Variants in SLC17A7 observed in about 807,000 individuals in gnomAD.
SLC17A7 encodes solute carrier family 17 member 7.
In SLC17A7, 15 loss-of-function variants were observed where a neutral mutation model predicts 59.1. The observed-to-expected ratio is 0.25, with a 90% CI of 0.17 to 0.39. SLC17A7 has a LOEUF of 0.39. Ranked by LOEUF, SLC17A7 falls within the 10% of genes least tolerant of loss-of-function variation. The pLI is 1.00. For synonymous variants in SLC17A7, 353 were observed against 308.9 expected (o/e 1.14, Z -1.50); for missense variants, 499 against 765.1 (o/e 0.65, Z 4.10).
chr19:49,441,264 T>G, intron 1 of SLC17A7, 54 bp downstream of exon 1: 1 of 1,584,024 alleles, frequency 6.3e-7, no homozygotes, highest in Non-Finnish European at 8.6e-7. Flanking sequence ...AGGTGGGAAT[T>G]AGCATCCTCC....
chr19:49,437,156 G>A (rs939804874), intron 1 of SLC17A7: 13 of 357,222 alleles, frequency 3.6e-5, no homozygotes, highest in Admixed American at 3.0e-4. Flanking sequence ...CTCTCCAGCC[G>A]CCTCTCCCGG....
Position 49,433,949 on chromosome 19 carries a change from G to T in SLC17A7, c.724+11C>A, listed in dbSNP as rs1410714521. The T allele has an allele frequency of 5.6e-6, 9 of 1,613,410 alleles. No homozygotes were observed. In the Admixed American group the frequency reaches 6.7e-5, roughly 12 times the overall value. ...CAGCGCCACCCGGAACCAGGCATCC[G>T]GGTCCCTCACCGTAGACGTAGAAAA... On this transcript the variant is annotated intron_variant, in intron 6 of 11. Transcript: ENST00000221485. This position sits in a 1 kb window ranked among gnomAD's most constrained non-coding sequence, Gnocchi z 5.7.
intron 1 of SLC17A7, among the ~76,000 whole-genome samples, chr19:49,438,565 T>G (rs2078988539): frequency 1.3e-5 from 2 of 148,656 alleles, no homozygotes; most frequent in Admixed American, 6.7e-5. Context: ...CTTAAGGAGG[T>G]GGGGAGGGGC....
chr19:49,430,214 A>C lies in SLC17A7; in HGVS notation c.*305T>G. On this transcript the variant is annotated 3_prime_UTR_variant, in exon 12 of 12. Transcript: ENST00000221485. ...GTGCCTCAAAACCACAAGAGAGAGT[A>C]AGAGGTCGAACTGTCCATTCAAATA... The C allele has an allele frequency of 4.3e-6, 1 of 231,816 alleles. No homozygotes were observed. The highest frequency in any genetic ancestry group is 8.3e-6 in the Non-Finnish European group (1 of 120,620). The allele number at this position is 231,816 out of a possible 1,614,324, so 14.4% of individuals were successfully genotyped here. A position where few individuals can be genotyped will look rare whatever the true frequency, so the allele number is the denominator to read the frequency against.
Position 49,437,005 on chromosome 19 carries a change from C to T in SLC17A7, c.63-204G>A. 4 of 675,580 alleles carry T rather than the reference C, an allele frequency of 5.9e-6. No homozygotes were observed. The Middle Eastern group carries it at 1.3e-3, about 211-fold the overall frequency. The allele number at this position is 675,580 out of a possible 1,614,324, so 41.8% of individuals were successfully genotyped here. A position where few individuals can be genotyped will look rare whatever the true frequency, so the allele number is the denominator to read the frequency against. On this transcript the variant is annotated intron_variant, in intron 1 of 11. Transcript: ENST00000221485. Reference sequence around the variant, plus strand: ...ATCTCCCTCAGACCGGGAATTCAGGCCCCCAGCCCCCTCCTTCTTCACATT... The same window carrying T: ...ATCTCCCTCAGACCGGGAATTCAGGTCCCCAGCCCCCTCCTTCTTCACATT...
At chr19:49,437,077 C>T in intron 1 of SLC17A7, 1 of 546,300 alleles carries the variant, frequency 1.8e-6, no homozygotes, top group South Asian at 2.2e-5. Flanking sequence ...TCCTTCAACT[C>T]AGGAGACTTA....
chr19:49,439,231 C>T (rs573144544), intron 1 of SLC17A7, among the ~76,000 whole-genome samples: 12 of 152,278 alleles, frequency 7.9e-5, no homozygotes, highest in Non-Finnish European at 1.6e-4. Flanking sequence ...ACGTCTTTGT[C>T]TCCTTATGTC....
rs777004927 is a variant in SLC17A7, at chr19:49,430,507, G to C, written c.*12C>G. The C allele has an allele frequency of 1.3e-6, 2 of 1,547,242 alleles. No individual in the cohort carries two copies. The highest frequency in any genetic ancestry group is 4.5e-5 in the East Asian group (2 of 44,360). ...AGGTCCTGGAAACTGCCATTCAGTG[G>C]GAGGCACATGGTCAGTAGTCCCGGA... On this transcript the variant is annotated 3_prime_UTR_variant, in exon 12 of 12. Transcript: ENST00000221485.
Position 49,433,732 on chromosome 19 carries a change from G to A in SLC17A7, c.861C>T (p.Pro287=), listed in dbSNP as rs746447272. The stretch of plus-strand genomic sequence containing the variant: ...CGAAGATTTGGTCCCGGACCGTGAG[G>A]GGGTTCATGAGTTTCGCGCTCTCTC... ...AIGESAKLMN[P]LTKFSTPWRR... Residue 287 remains proline (P), a synonymous_variant, in exon 7 of 12, where the codon CCC becomes CCT. Transcript: ENST00000221485. The surrounding 1 kb of genome is among the most constrained non-coding windows in gnomAD (Gnocchi z 5.7). 13 of 1,614,134 alleles carry A rather than the reference G, an allele frequency of 8.1e-6. No individual in the cohort carries two copies. The East Asian group carries it at 1.1e-4, about 14-fold the overall frequency.
rs2078962545 is a variant in SLC17A7 at position 49,431,996 on chromosome 19, C to T, written c.1150+523G>A. Among the ~76,000 whole-genome samples the T allele has an allele frequency of 6.6e-6, 1 of 152,102 alleles. No homozygotes were observed. The highest frequency in any genetic ancestry group is 6.5e-5 in the Admixed American group (1 of 15,270). The stretch of plus-strand genomic sequence containing the variant: ...TTCTAGAAACAAAGTCTCGCTCTGT[C>T]GCCCAGGCTGGAGTGCTGCGGCGCG... On this transcript the variant is annotated intron_variant, in intron 9 of 11. Transcript: ENST00000221485. This position sits in a 1 kb window ranked among gnomAD's most constrained non-coding sequence, Gnocchi z 4.6.
chr19:49,435,446 TAA>T, intron 2 of SLC17A7, 160 bp from the exon 3 acceptor site: 1 of 621,758 alleles, frequency 1.6e-6, no homozygotes, highest in South Asian at 1.9e-5. Flanking sequence ...TTCTGTCAAT[TAA>T]AGTCTACAAA....
At position 49,431,758 on chromosome 19, in the gene SLC17A7, T is replaced by A. The variant is rs914495792; in HGVS notation, c.1151-310A>T. 6.7e-6 allele frequency among the ~76,000 whole-genome samples: 1 copy of A among 148,506 alleles called. No individual in the cohort carries two copies. Among genetic ancestry groups the A allele is most frequent in the African/African-American group, 2.5e-5 (1 of 40,318 alleles). ...TGCTGTGCACGCTCACACCTTCCCC[T>A]CAATCCCCACTCATGAGTTTTTGGT... On this transcript the variant is annotated intron_variant, in intron 9 of 11. Coordinates refer to ENST00000221485, the MANE Select transcript of SLC17A7 (RefSeq NM_020309.4). This position sits in a 1 kb window ranked among gnomAD's most constrained non-coding sequence, Gnocchi z 4.6.
chr19:49,430,763 T>C lies in SLC17A7; in HGVS notation c.1439A>G (p.Tyr480Cys), dbSNP rs1263217761. 2 of 1,613,726 alleles carry C rather than the reference T, an allele frequency of 1.2e-6. No homozygotes were observed. Among genetic ancestry groups the C allele is most frequent in the East Asian group, 2.2e-5 (1 of 44,866 alleles). The change falls in exon 12 of 12, where the codon TAT (tyrosine) becomes TGT (cysteine). Residue 480 changes from tyrosine (Y) to cysteine (C), a missense_variant. Around this residue, in one of 3 missense-constraint regions of SLC17A7, gnomAD observed 323 missense variants for 607.2 expected, o/e 0.53. Transcript: ENST00000221485. The part of the protein sequence containing the change: ...YVFLIASLVH[Y>C]GGVIFYGVFA... Reference sequence around the variant, plus strand: ...GACCCCGTAGAAGATGACACCTCCATAGTGCACCAGGGAGGCAATTAGGAA... The same window carrying C: ...GACCCCGTAGAAGATGACACCTCCACAGTGCACCAGGGAGGCAATTAGGAA...
At chr19:49,439,956 T>C (rs1015719891) in intron 1 of SLC17A7, among the ~76,000 whole-genome samples, 3 of 151,852 alleles carry the variant, frequency 2.0e-5, no homozygotes, top group African/African-American at 7.3e-5. Flanking sequence ...TTCTCCTGAC[T>C]TCACACTGAT....
chr19:49,433,088 C>G lies in SLC17A7; in HGVS notation c.868-128G>C. On this transcript the variant is annotated intron_variant, in intron 7 of 11. Transcript: ENST00000221485. The surrounding 1 kb of genome is among the most constrained non-coding windows in gnomAD (Gnocchi z 5.7). ...CCGACCGCACTGAAACTTCTATGGA[C>G]CCAAAGGCGCGGGCTACACCATGTT... 1.0e-6 allele frequency: 1 copy of G among 999,508 alleles called. No individual in the cohort carries two copies. The highest frequency in any genetic ancestry group is 1.5e-6 in the Non-Finnish European group (1 of 681,548). The allele number at this position is 999,508 out of a possible 1,614,324, so 61.9% of individuals were successfully genotyped here. A position where few individuals can be genotyped will look rare whatever the true frequency, so the allele number is the denominator to read the frequency against.
intron 2 of SLC17A7, 49 bp from the exon 3 acceptor site, chr19:49,435,335 C>T (rs755493094): frequency 1.2e-5 from 16 of 1,369,222 alleles, no homozygotes; most frequent in African/African-American, 1.4e-5. Context: ...CAGGCTCTGC[C>T]GCTCCACCAA....
At position 49,436,375 on chromosome 19, in the gene SLC17A7, G is replaced by T. The variant is rs2078979468; in HGVS notation, c.315+174C>A. Among the ~76,000 whole-genome samples the T allele has an allele frequency of 1.3e-5, 2 of 152,138 alleles. No individual in the cohort carries two copies. The highest frequency in any genetic ancestry group is 6.5e-5 in the Admixed American group (1 of 15,278). On this transcript the variant is annotated intron_variant, in intron 2 of 11. Transcript: ENST00000221485. This position sits in a 1 kb window ranked among gnomAD's most constrained non-coding sequence, Gnocchi z 4.1. ...AGGACGGGGCTTAGGAAACGGAGGC[G>T]GCCCCTAAGGCGAGGTCAGAACTAA...
chr19:49,434,116 G>A (rs1001025599), intron 5 of SLC17A7, 70 bp from the exon 6 acceptor site: 2 of 1,002,530 alleles, frequency 2.0e-6, no homozygotes, highest in Non-Finnish European at 3.1e-6. Context: ...GACCCCCACC[G>A]CTTCCCCCTT....
chr19:49,431,293 C>A lies in SLC17A7; in HGVS notation c.1261+45G>T. 1 of 1,604,894 alleles carries A rather than the reference C, an allele frequency of 6.2e-7. No individual in the cohort carries two copies. The highest frequency in any genetic ancestry group is 8.5e-7 in the Non-Finnish European group (1 of 1,173,414). ...CGTTCCTGAGCCAGGAAGTTCCCTA[C>A]AGAGCTGACCAGAGTCCCCCAAGCT... On this transcript the variant is annotated intron_variant, in intron 10 of 11. Transcript: ENST00000221485. This position sits in a 1 kb window ranked among gnomAD's most constrained non-coding sequence, Gnocchi z 4.6.
Sources: gnomAD v4.1 joint callset for allele counts (sites outside exome capture counted in the v4.1 genomes callset) on GRCh38, gnomAD v4.1.1 for gene constraint, gnomAD v4.1.1 regional missense constraint, Gnocchi (gnomAD v3.1) non-coding constraint, MANE v1.5 for transcripts, NCBI Gene and HGNC (gene_info 2026-07-23, HGNC 2026-07-21) for gene names.